RFTN1: variants seen among roughly 807,000 people sequenced by gnomAD.
RFTN1 encodes the protein raftlin, lipid raft linker 1.
A neutral mutation model predicts 46.5 loss-of-function variants in RFTN1; 26 were observed. The observed-to-expected ratio is 0.56, with a 90% CI of 0.41 to 0.78. The LOEUF (loss-of-function observed/expected upper bound fraction) is 0.78. RFTN1 is among the 30% of genes least tolerant of loss of function. RFTN1 has a pLI of 0.00. For missense variants in RFTN1, 693 were observed against 718.7 expected (o/e 0.96, Z 0.41); for synonymous variants, 261 against 284.2 (o/e 0.92, Z 0.82).
chr3:16,347,058 T>C (rs898044505), intron 7 of RFTN1, among the ~76,000 whole-genome samples: 1 of 152,190 alleles, frequency 6.6e-6, no homozygotes, highest in African/African-American at 2.4e-5. Flanking sequence ...ACCACCCTTA[T>C]TCTATTTCCC....
At chr3:16,368,669 ACT>A (rs1176360301) in intron 6 of RFTN1, among the ~76,000 whole-genome samples, 2 of 142,272 alleles carry the variant, frequency 1.4e-5, no homozygotes, top group Admixed American at 6.9e-5. Context: ...ACAGAGCGAG[ACT>A]CTGTCCAAAA....
At chr3:16,430,348 G>C (rs2075362236) in intron 3 of RFTN1, among the ~76,000 whole-genome samples, 1 of 152,218 alleles carries the variant, frequency 6.6e-6, no homozygotes, top group African/African-American at 2.4e-5. Flanking sequence ...CTGAGCTCAA[G>C]AGAATCTTCT....
In RFTN1 at chr3:16,351,502, C is replaced by T. The variant is rs1004018449; in HGVS notation, c.1146+6430G>A. On this transcript the variant is annotated intron_variant, in intron 7 of 9. Coordinates refer to ENST00000334133, the MANE Select transcript of RFTN1 (RefSeq NM_015150.2). This position sits in a 1 kb window ranked among gnomAD's most constrained non-coding sequence, Gnocchi z 5.4. ...TGGAGAAGAGCTGACTCCAGAGCCTCATGACAAAGTCTGCGGGGTTGCAGA... is the reference window on the plus strand; with the variant it reads ...TGGAGAAGAGCTGACTCCAGAGCCTTATGACAAAGTCTGCGGGGTTGCAGA... Among the ~76,000 whole-genome samples the T allele has an allele frequency of 1.6e-4, 24 of 152,174 alleles. No homozygotes were observed. Among genetic ancestry groups the T allele is most frequent in the African/African-American group, 5.8e-4 (24 of 41,426 alleles).
intron 6 of RFTN1, among the ~76,000 whole-genome samples, chr3:16,359,032 C>CAA (rs771185605): frequency 0.013 from 1,158 of 89,456 alleles, 39 homozygotes; most frequent in African/African-American, 0.047. Context: ...ATTCTGTCTC[C>CAA]AAAAAAAAAA....
intron 6 of RFTN1, among the ~76,000 whole-genome samples, chr3:16,360,174 C>G (rs943493949): frequency 6.8e-6 from 1 of 146,088 alleles, no homozygotes; most frequent in Admixed American, 6.8e-5. Flanking sequence ...ATTGCAGTTT[C>G]TTTTTTTTTT....
At chr3:16,393,547 A>T (rs2074398994) in intron 4 of RFTN1, among the ~76,000 whole-genome samples, 1 of 152,238 alleles carries the variant, frequency 6.6e-6, no homozygotes, top group Non-Finnish European at 1.5e-5. Flanking sequence ...GATCTCTCAC[A>T]ATATAAGGAC....
intron 5 of RFTN1, among the ~76,000 whole-genome samples, chr3:16,372,646 A>G (rs1254465792): frequency 6.6e-6 from 1 of 152,344 alleles, no homozygotes; most frequent in East Asian, 1.9e-4. Flanking sequence ...CTCCCACTCA[A>G]TGGCAAGACA....
intron 4 of RFTN1, among the ~76,000 whole-genome samples, chr3:16,404,969 G>C (rs2074817140): frequency 6.6e-6 from 1 of 152,120 alleles, no homozygotes; most frequent in Non-Finnish European, 1.5e-5. Flanking sequence ...TGGAACTTTT[G>C]AGAGACCAGA....
At chr3:16,399,518 C>T (rs542385640) in intron 4 of RFTN1, among the ~76,000 whole-genome samples, 24 of 152,174 alleles carry the variant, frequency 1.6e-4, no homozygotes, top group Non-Finnish European at 3.2e-4. Context: ...ATGCCCTCTT[C>T]CCCTGGCCTC....
intron 2 of RFTN1, 92 bp downstream of exon 2, chr3:16,493,633 C>A: frequency 8.6e-7 from 1 of 1,166,704 alleles, no homozygotes; most frequent in Admixed American, 2.2e-5. Context: ...ACAGCCCCCA[C>A]CCCATCCAGC....
rs187839775 is a variant in RFTN1, at chr3:16,440,054, C to T, written c.146-6017G>A. Among the ~76,000 whole-genome samples the T allele has an allele frequency of 1.5e-4, 23 of 152,232 alleles. No individual in the cohort carries two copies. The East Asian group carries it at 4.4e-3, about 29-fold the overall frequency. The stretch of plus-strand genomic sequence containing the variant: ...AAGTTAAAATTTCTAATTATAACTT[C>T]GTAGTCTGAAGATAAGGGACACTGG... On this transcript the variant is annotated intron_variant, in intron 2 of 9. Coordinates refer to ENST00000334133, the MANE Select transcript of RFTN1 (RefSeq NM_015150.2). This position sits in a 1 kb window ranked among gnomAD's most constrained non-coding sequence, Gnocchi z 4.6.
chr3:16,472,888 T>C (rs1260215000), intron 2 of RFTN1, among the ~76,000 whole-genome samples: 1 of 152,146 alleles, frequency 6.6e-6, no homozygotes, highest in African/African-American at 2.4e-5. Context: ...CCAAGAACTC[T>C]GGATTCTTCC....
intron 2 of RFTN1, among the ~76,000 whole-genome samples, chr3:16,490,217 T>A (rs1489084426): frequency 6.6e-6 from 1 of 152,144 alleles, no homozygotes; most frequent in African/African-American, 2.4e-5. Flanking sequence ...GTTTAATATA[T>A]GATGTAATCA....
In RFTN1 at chr3:16,483,445, C is replaced by T. The variant is rs1398401194; in HGVS notation, c.145+10280G>A. Among the ~76,000 whole-genome samples, 1 of 152,156 alleles carries T rather than the reference C, an allele frequency of 6.6e-6. No individual in the cohort carries two copies. The highest frequency in any genetic ancestry group is 6.5e-5 in the Admixed American group (1 of 15,278). Reference sequence around the variant, plus strand: ...CACAGACTTAAGCTGAGTCTGTTGACACCTGTTCTGTAGTGTCAACTGTAG... The same window carrying T: ...CACAGACTTAAGCTGAGTCTGTTGATACCTGTTCTGTAGTGTCAACTGTAG... On this transcript the variant is annotated intron_variant, in intron 2 of 9. Transcript: ENST00000334133. This position sits in a 1 kb window ranked among gnomAD's most constrained non-coding sequence, Gnocchi z 4.8.
chr3:16,443,960 C>T lies in RFTN1; in HGVS notation c.146-9923G>A, dbSNP rs551030945. On this transcript the variant is annotated intron_variant, in intron 2 of 9. Transcript: ENST00000334133. The surrounding 1 kb of genome is among the most constrained non-coding windows in gnomAD (Gnocchi z 5.5). ...ATCAAGAAGCCTTTTTAAGAAACAC[C>T]AGGTCCCCTGATGCTTAGGTTTAGT... Among the ~76,000 whole-genome samples the T allele has an allele frequency of 1.3e-5, 2 of 152,248 alleles. No homozygotes were observed. The highest frequency in any genetic ancestry group is 4.1e-4 in the South Asian group (2 of 4,824).
chr3:16,473,327 C>T lies in RFTN1; in HGVS notation c.145+20398G>A, dbSNP rs1158074964. ...ATCTTATCACACCTATTGAAAAATC[C>T]AGTAAGACTTGAAGTACCTTCCTGT... On this transcript the variant is annotated intron_variant, in intron 2 of 9. Transcript: ENST00000334133. This position sits in a 1 kb window ranked among gnomAD's most constrained non-coding sequence, Gnocchi z 5.3. Among the ~76,000 whole-genome samples the T allele has an allele frequency of 1.3e-5, 2 of 152,122 alleles. No homozygotes were observed. The highest frequency in any genetic ancestry group is 4.8e-5 in the African/African-American group (2 of 41,424).
chr3:16,493,574 A>C, intron 2 of RFTN1, 151 bp downstream of exon 2: 2 of 703,896 alleles, frequency 2.8e-6, no homozygotes, highest in Admixed American at 5.5e-5. Context: ...AAAAATCTGG[A>C]TCTCTGTAAG....
chr3:16,444,111 G>C (rs1406274123), intron 2 of RFTN1, among the ~76,000 whole-genome samples: 1 of 152,072 alleles, frequency 6.6e-6, no homozygotes. Flanking sequence ...ATTCAGAATC[G>C]GTAACGAAAC....
At chr3:16,369,470 C>T (rs1460938272) in intron 6 of RFTN1, among the ~76,000 whole-genome samples, 2 of 152,214 alleles carry the variant, frequency 1.3e-5, no homozygotes, top group African/African-American at 4.8e-5. Flanking sequence ...AAAGCCTTTT[C>T]TTTGTTTGAC....
Sources: gnomAD v4.1 joint callset for allele counts (sites outside exome capture counted in the v4.1 genomes callset) on GRCh38, gnomAD v4.1.1 for gene constraint, Gnocchi (gnomAD v3.1) non-coding constraint, MANE v1.5 for transcripts, NCBI Gene and HGNC (gene_info 2026-07-23, HGNC 2026-07-21) for gene names.